The following LHFPL3 variants were observed in gnomAD, a reference collection of about 807,000 sequenced individuals.
The protein encoded by LHFPL3 is LHFPL tetraspan subfamily member 3.
In LHFPL3, 5 loss-of-function variants were observed where a neutral mutation model predicts 19.3. That is an observed-to-expected ratio of 0.26 (90% confidence interval 0.14 to 0.54). The LOEUF is 0.54. Ranked by LOEUF, LHFPL3 falls within the 20% of genes least tolerant of loss-of-function variation. The pLI is 0.94. For missense variants in LHFPL3, 249 were observed against 307.4 expected (o/e 0.81, Z 1.42); for synonymous variants, 133 against 126.2 (o/e 1.05, Z -0.36).
intron 1 of LHFPL3, among the ~76,000 whole-genome samples, chr7:104,504,470 C>A (rs1455300179): frequency 2.0e-5 from 3 of 152,048 alleles, no homozygotes; most frequent in Non-Finnish European, 4.4e-5. Flanking sequence ...AAATTACATC[C>A]CTTGGATGGG....
At chr7:104,455,167 G>A (rs1298401551) in intron 1 of LHFPL3, among the ~76,000 whole-genome samples, 2 of 152,120 alleles carry the variant, frequency 1.3e-5, no homozygotes, top group South Asian at 2.1e-4. Flanking sequence ...AGCCCTGTTC[G>A]CCAAAAATGG....
chr7:104,773,472 G>T (rs1794591436), intron 2 of LHFPL3, among the ~76,000 whole-genome samples: 1 of 152,232 alleles, frequency 6.6e-6, no homozygotes, highest in Non-Finnish European at 1.5e-5. Context: ...GAAATGCCAT[G>T]CATCCTTTAT....
At chr7:104,663,108 C>A (rs1016351061) in intron 1 of LHFPL3, among the ~76,000 whole-genome samples, 2 of 152,142 alleles carry the variant, frequency 1.3e-5, no homozygotes, top group African/African-American at 4.8e-5. Flanking sequence ...AACATTATAA[C>A]CTTGACTACA....
intron 2 of LHFPL3, among the ~76,000 whole-genome samples, chr7:104,834,796 C>T (rs1451666083): frequency 6.6e-6 from 1 of 151,948 alleles, no homozygotes; most frequent in Non-Finnish European, 1.5e-5. Context: ...GGAACATGCC[C>T]AAGGGATTCC....
Position 104,328,905 on chromosome 7 carries a change from C to T in LHFPL3, c.126C>T (p.Ile42=). The T allele has an allele frequency of 6.2e-7, 1 of 1,614,228 alleles. No individual in the cohort carries two copies. The highest frequency in any genetic ancestry group is 8.5e-7 in the Non-Finnish European group (1 of 1,180,044). The stretch of plus-strand genomic sequence containing the variant: ...GGGCCATCGGCGTGCTGTGGGCCAT[C>T]TTCACCATCTGCTTTGCCATCGTCA... The part of the protein sequence containing the change: ...NSRAIGVLWA[I]FTICFAIVNV... Residue 42 remains isoleucine (I), a synonymous_variant, in exon 1 of 3, where the codon ATC becomes ATT. Coordinates refer to ENST00000424859, the MANE Select transcript of LHFPL3 (RefSeq NM_199000.3). This position sits in a 1 kb window ranked among gnomAD's most constrained non-coding sequence, Gnocchi z 4.6.
At chr7:104,343,834 C>T (rs1181570786) in intron 1 of LHFPL3, among the ~76,000 whole-genome samples, 2 of 152,018 alleles carry the variant, frequency 1.3e-5, no homozygotes, top group Non-Finnish European at 2.9e-5. Context: ...GAAGTATCCA[C>T]TTTCTTGAGT....
At chr7:104,904,372 T>C (rs1387981733) in intron 2 of LHFPL3, among the ~76,000 whole-genome samples, 1 of 152,234 alleles carries the variant, frequency 6.6e-6, no homozygotes, top group African/African-American at 2.4e-5. Context: ...AAACCTCGGC[T>C]GGGCACAGTG....
chr7:104,707,642 A>G (rs1333384744), intron 1 of LHFPL3, among the ~76,000 whole-genome samples: 1 of 151,944 alleles, frequency 6.6e-6, no homozygotes, highest in East Asian at 1.9e-4. Flanking sequence ...GGCATCTTCC[A>G]TTTTCCTAGT....
At chr7:104,378,660 A>G (rs1408684898) in intron 1 of LHFPL3, among the ~76,000 whole-genome samples, 1 of 152,092 alleles carries the variant, frequency 6.6e-6, no homozygotes, top group Non-Finnish European at 1.5e-5. Flanking sequence ...CTTTGTTCAC[A>G]TTTGGTATTG....
At chr7:104,448,174 C>T (rs1792367352) in intron 1 of LHFPL3, among the ~76,000 whole-genome samples, 1 of 152,098 alleles carries the variant, frequency 6.6e-6, no homozygotes, top group Admixed American at 6.6e-5. Context: ...TAATTGGAAG[C>T]ACAGATTCAA....
chr7:104,354,358 A>G (rs1166337336), intron 1 of LHFPL3, among the ~76,000 whole-genome samples: 1 of 152,186 alleles, frequency 6.6e-6, no homozygotes, highest in Non-Finnish European at 1.5e-5. Flanking sequence ...GACATCTTGT[A>G]CACATTCTTT....
rs1182401657 is a variant in LHFPL3 at position 104,639,091 on chromosome 7, G to C, written c.446-97584G>C. ...GCTTTTTGATATGCTGCTGGATTTG[G>C]TTTGCAGGAATTTTTTTGAGAATTT... On this transcript the variant is annotated intron_variant, in intron 1 of 2. Coordinates refer to ENST00000424859, the MANE Select transcript of LHFPL3 (RefSeq NM_199000.3). 2.0e-5 allele frequency among the ~76,000 whole-genome samples: 3 copies of C among 152,104 alleles called. No individual in the cohort carries two copies. The South Asian group carries it at 6.2e-4, about 32-fold the overall frequency.
intron 2 of LHFPL3, among the ~76,000 whole-genome samples, chr7:104,857,404 G>T (rs1791529441): frequency 6.6e-6 from 1 of 152,074 alleles, no homozygotes; most frequent in Non-Finnish European, 1.5e-5. Flanking sequence ...CTATATTATG[G>T]ATTCATGAAG....
chr7:104,339,832 G>A (rs1485615007), intron 1 of LHFPL3, among the ~76,000 whole-genome samples: 2 of 152,080 alleles, frequency 1.3e-5, no homozygotes, highest in Admixed American at 1.3e-4. Context: ...TGAGATTATT[G>A]CCATTAATCT....
intron 1 of LHFPL3, among the ~76,000 whole-genome samples, chr7:104,367,528 G>C (rs1790518838): frequency 6.6e-6 from 1 of 152,176 alleles, no homozygotes; most frequent in Admixed American, 6.5e-5. Flanking sequence ...AGCTATTTAT[G>C]GCTTTGGGGT....
Position 104,627,142 on chromosome 7 carries a change from G to A in LHFPL3, c.446-109533G>A, listed in dbSNP as rs924473693. Reference sequence around the variant, plus strand: ...CAACATCTCTCCAGTTCCCACCCCCGGGCCCTGGTAACCACCATTCTATTC... The same window carrying A: ...CAACATCTCTCCAGTTCCCACCCCCAGGCCCTGGTAACCACCATTCTATTC... On this transcript the variant is annotated intron_variant, in intron 1 of 2. Transcript: ENST00000424859. 5.3e-5 allele frequency among the ~76,000 whole-genome samples: 8 copies of A among 151,696 alleles called. No homozygotes were observed. The East Asian group carries it at 5.8e-4, about 11-fold the overall frequency.
intron 1 of LHFPL3, among the ~76,000 whole-genome samples, chr7:104,408,708 G>T (rs1791469980): frequency 6.6e-6 from 1 of 152,148 alleles, no homozygotes; most frequent in African/African-American, 2.4e-5. Flanking sequence ...TGCCAATGCT[G>T]AACTGGGTAG....
chr7:104,774,915 C>T (rs1794615480), intron 2 of LHFPL3, among the ~76,000 whole-genome samples: 1 of 152,162 alleles, frequency 6.6e-6, no homozygotes, highest in Non-Finnish European at 1.5e-5. Flanking sequence ...TTCCACTTCT[C>T]CTGCCTCCTT....
At chr7:104,893,224 A>AG (rs1251468442) in intron 2 of LHFPL3, among the ~76,000 whole-genome samples, 2 of 151,948 alleles carry the variant, frequency 1.3e-5, no homozygotes, top group Admixed American at 1.3e-4. Context: ...TAAAAAAAAA[A>AG]AAAAATTGGC....
Sources: gnomAD v4.1 joint callset for allele counts (sites outside exome capture counted in the v4.1 genomes callset) on GRCh38, gnomAD v4.1.1 for gene constraint, Gnocchi (gnomAD v3.1) non-coding constraint, MANE v1.5 for transcripts, NCBI Gene and HGNC (gene_info 2026-07-23, HGNC 2026-07-21) for gene names.